DMD: variants seen among roughly 807,000 people sequenced by gnomAD.
DMD encodes the protein mutant dystrophin.
A neutral mutation model predicts 330.1 loss-of-function variants in DMD; 63 were observed. The observed-to-expected ratio is 0.19, with a 90% CI of 0.16 to 0.24. The LOEUF is 0.24. Among genes scored for constraint, DMD ranks in the 10% least tolerant of loss-of-function variants. The pLI is 1.00. For synonymous variants in DMD, 1,223 were observed against 959.8 expected, an observed-to-expected ratio of 1.27 and a Z score of -5.07; for missense variants, 3,344 against 2,684.1, an observed-to-expected ratio of 1.25 and a Z score of -5.43.
chrX:33,194,140 T>A (rs1217156493), intron 1 of DMD, among the ~76,000 whole-genome samples: 1 of 111,644 alleles, frequency 9.0e-6, no homozygotes, highest in Non-Finnish European at 1.9e-5. Context: ...GTCTTTATTA[T>A]CATTATCATT....
intron 16 of DMD, among the ~76,000 whole-genome samples, chrX:32,548,913 A>G (rs1216723192): frequency 8.9e-6 from 1 of 111,807 alleles, no homozygotes; most frequent in Non-Finnish European, 1.9e-5. Context: ...AGTCAAAACT[A>G]GAATAGAATA....
intron 1 of DMD, among the ~76,000 whole-genome samples, chrX:33,267,540 C>T (rs1044634449): frequency 1.8e-5 from 2 of 110,283 alleles, no homozygotes; most frequent in African/African-American, 3.3e-5. Flanking sequence ...AATAAAAGAG[C>T]GCATATAGCC....
At chrX:32,034,352 A>C (rs1464730017) in intron 44 of DMD, among the ~76,000 whole-genome samples, 3 of 112,006 alleles carry the variant, frequency 2.7e-5, no homozygotes, top group Non-Finnish European at 5.7e-5. Flanking sequence ...TTTCTAAATT[A>C]ATTATTTTAA....
chrX:32,730,820 T>C (rs780623451), intron 7 of DMD, among the ~76,000 whole-genome samples: 2 of 111,837 alleles, frequency 1.8e-5, no homozygotes, highest in Non-Finnish European at 3.8e-5. Context: ...TTTTCAGCCA[T>C]GAGCAGAAAA....
At chrX:32,168,076 C>T (rs1048296160) in intron 44 of DMD, among the ~76,000 whole-genome samples, 22 of 112,257 alleles carry the variant, frequency 2.0e-4, no homozygotes, top group African/African-American at 6.8e-4. Flanking sequence ...CAGCCTGGGG[C>T]CTGCCCCATC....
chrX:33,001,571 A>G lies in DMD; in HGVS notation c.93+18568T>C, dbSNP rs186985472. On this transcript the variant is annotated intron_variant, in intron 2 of 78. Coordinates refer to ENST00000357033, the MANE Select transcript of DMD (RefSeq NM_004006.3). Reference sequence around the variant, plus strand: ...TCTCAGACAATTTTTTCTTTTGAAGAGAAAATGTGGGTGGTTTCTTTACAA... The same window carrying G: ...TCTCAGACAATTTTTTCTTTTGAAGGGAAAATGTGGGTGGTTTCTTTACAA... 1.7e-4 allele frequency among the ~76,000 whole-genome samples: 19 copies of G among 111,892 alleles called. No individual in the cohort carries two copies. The East Asian group carries it at 5.4e-3, about 32-fold the overall frequency.
chrX:31,762,354 A>G (rs1217612845), intron 51 of DMD, among the ~76,000 whole-genome samples: 1 of 111,499 alleles, frequency 9.0e-6, no homozygotes, highest in Non-Finnish European at 1.9e-5. Flanking sequence ...GCAGATCATG[A>G]GGTCAGGAGA....
chrX:33,009,634 G>C (rs1315877106), intron 2 of DMD, among the ~76,000 whole-genome samples: 1 of 61,102 alleles, frequency 1.6e-5, no homozygotes, highest in Non-Finnish European at 3.3e-5. Context: ...GTGTGTATGT[G>C]TATATACACA....
intron 74 of DMD, among the ~76,000 whole-genome samples, chrX:31,159,925 G>A (rs1319700218): frequency 1.8e-5 from 2 of 112,377 alleles, no homozygotes; most frequent in African/African-American, 6.5e-5. Flanking sequence ...CTTACTTTGA[G>A]ATGAAAGCTA....
At chrX:31,307,882 G>A (rs1214531424) in intron 62 of DMD, among the ~76,000 whole-genome samples, 1 of 111,322 alleles carries the variant, frequency 9.0e-6, no homozygotes. Flanking sequence ...CAGCCTTTTT[G>A]GCACCAGGCA....
chrX:32,591,051 T>C (rs1177631632), intron 13 of DMD, among the ~76,000 whole-genome samples: 1 of 111,643 alleles, frequency 9.0e-6, no homozygotes, highest in Non-Finnish European at 1.9e-5. Context: ...GATATGATAG[T>C]CTTGCTATGT....
At chrX:31,149,622 A>G (rs1049813110) in intron 74 of DMD, among the ~76,000 whole-genome samples, 1 of 112,181 alleles carries the variant, frequency 8.9e-6, no homozygotes, top group African/African-American at 3.2e-5. Context: ...ATGTCCATTA[A>G]TAATGTTTTA....
chrX:31,421,479 C>A (rs1033855830), intron 60 of DMD, among the ~76,000 whole-genome samples: 5 of 111,385 alleles, frequency 4.5e-5, no homozygotes, highest in African/African-American at 1.6e-4. Flanking sequence ...CTTTTAAAAT[C>A]CACATTTCTA....
chrX:31,379,798 C>G (rs960188144), intron 60 of DMD, among the ~76,000 whole-genome samples: 4 of 112,219 alleles, frequency 3.6e-5, no homozygotes, highest in African/African-American at 1.3e-4. Context: ...AATCTGGCCA[C>G]TGGGCCAAGG....
chrX:31,920,227 C>T (rs1375919378), intron 47 of DMD, among the ~76,000 whole-genome samples: 1 of 112,055 alleles, frequency 8.9e-6, no homozygotes, highest in Non-Finnish European at 1.9e-5. Context: ...AAAGATTTGA[C>T]AGAAAAGTTC....
In DMD at chrX:32,069,927, A is replaced by G. The variant is rs945460929; in HGVS notation, c.6439-101413T>C. On this transcript the variant is annotated intron_variant, in intron 44 of 78. Coordinates refer to ENST00000357033, the MANE Select transcript of DMD (RefSeq NM_004006.3). ...TGCTACATTTTCACCCTAAATTGACAAGGAGGACATTATACCACGATGGAA... is the reference window on the plus strand; with the variant it reads ...TGCTACATTTTCACCCTAAATTGACGAGGAGGACATTATACCACGATGGAA... Among the ~76,000 whole-genome samples the G allele has an allele frequency of 2.1e-4, 23 of 111,841 alleles. No individual in the cohort carries two copies. The Admixed American group carries it at 2.2e-3, about 11-fold the overall frequency.
intron 11 of DMD, among the ~76,000 whole-genome samples, chrX:32,634,538 T>A (rs916124715): frequency 1.8e-5 from 2 of 111,762 alleles, no homozygotes; most frequent in Non-Finnish European, 3.8e-5. Flanking sequence ...CCTAGGTCCC[T>A]TTGGTCAGCA....
intron 1 of DMD, among the ~76,000 whole-genome samples, chrX:33,185,676 A>T (rs2050222915): frequency 9.0e-6 from 1 of 111,584 alleles, no homozygotes; most frequent in African/African-American, 3.3e-5. Context: ...TTCTAAGTTG[A>T]TGTCTCAAAA....
rs1000469985 is a variant in DMD at position 33,231,610 on chromosome X, T to C, written c.7+107649A>G. Among the ~76,000 whole-genome samples, 7 of 111,551 alleles carry C rather than the reference T, an allele frequency of 6.3e-5. No individual in the cohort carries two copies. The South Asian group carries it at 2.6e-3, about 42-fold the overall frequency. On this transcript the variant is annotated intron_variant, in intron 1 of 17. Coordinates refer to the DMD transcript ENST00000288447. ...AAGGAACTACTTTCAGAGGTGTGAA[T>C]GGGCTTAAAGAAACCAAAAGGGGCT...
Sources: gnomAD v4.1 joint callset for allele counts (sites outside exome capture counted in the v4.1 genomes callset) on GRCh38, gnomAD v4.1.1 for gene constraint, MANE v1.5 for transcripts, NCBI Gene and HGNC (gene_info 2026-07-23, HGNC 2026-07-21) for gene names.